The following PRKN variants were observed in gnomAD, a reference collection of about 807,000 sequenced individuals.
PRKN encodes the protein parkin RBR E3 ubiquitin protein ligase, also known as E3 ubiquitin-protein ligase parkin.
A neutral mutation model predicts 59.5 loss-of-function variants in PRKN; 56 were observed. The ratio of observed to expected loss-of-function variants is 0.94; its 90% CI spans 0.76 to 1.18. The LOEUF (loss-of-function observed/expected upper bound fraction) is 1.18, where lower values mean the gene tolerates loss of function less well. Ranked by LOEUF, PRKN falls within the 50% of genes most tolerant of loss-of-function variation. PRKN has a pLI of 0.00. For synonymous variants in PRKN, 250 were observed against 222.1 expected (o/e 1.13, Z -1.12); for missense variants, 657 against 596.4 (o/e 1.10, Z -1.06).
At chr6:161,469,282 C>A (rs1790647848) in intron 9 of PRKN, among the ~76,000 whole-genome samples, 1 of 152,172 alleles carries the variant, frequency 6.6e-6, no homozygotes, top group Admixed American at 6.5e-5. Context: ...TCCCCCTTCA[C>A]TGGGCACCCA....
At chr6:162,065,294 C>T (rs1026797520) in intron 4 of PRKN, among the ~76,000 whole-genome samples, 1 of 152,146 alleles carries the variant, frequency 6.6e-6, no homozygotes, top group African/African-American at 2.4e-5. Flanking sequence ...AGTCCAAAGG[C>T]TGAAGAACCT....
At chr6:162,445,689 TAAAAAAAAAAAAA>T (rs71004091) in intron 1 of PRKN, among the ~76,000 whole-genome samples, 532 of 28,612 alleles carry the variant, frequency 0.019, 12 homozygotes, top group African/African-American at 0.083. Flanking sequence ...AGACCTTGTC[TAAAAAAAAAAAAA>T]AAAAAAAAAA....
intron 9 of PRKN, among the ~76,000 whole-genome samples, chr6:161,472,758 G>C (rs1230698046): frequency 6.6e-6 from 1 of 152,198 alleles, no homozygotes; most frequent in Admixed American, 6.5e-5. Flanking sequence ...TATTTGATAA[G>C]TGGTTAATAT....
chr6:162,210,455 C>T (rs1785157898), intron 3 of PRKN, among the ~76,000 whole-genome samples: 1 of 152,114 alleles, frequency 6.6e-6, no homozygotes, highest in Non-Finnish European at 1.5e-5. Flanking sequence ...AGGCATTTAC[C>T]CCTCCTACTT....
chr6:161,680,602 T>C (rs1020278381), intron 7 of PRKN, among the ~76,000 whole-genome samples: 1 of 151,136 alleles, frequency 6.6e-6, no homozygotes, highest in African/African-American at 2.4e-5. Context: ...TAGATTAGAG[T>C]GCAAAGGAGA....
chr6:162,473,563 T>C (rs1485752357), intron 1 of PRKN, among the ~76,000 whole-genome samples: 1 of 152,100 alleles, frequency 6.6e-6, no homozygotes, highest in African/African-American at 2.4e-5. Context: ...AAAGTAAAAA[T>C]ATGCAGATAT....
chr6:161,972,994 G>A (rs1003125423), intron 6 of PRKN, among the ~76,000 whole-genome samples: 5 of 152,184 alleles, frequency 3.3e-5, no homozygotes, highest in African/African-American at 1.2e-4. Context: ...ACTCAAATAT[G>A]TGAGCTTATA....
Position 161,359,186 on chromosome 6 carries a change from ATTTAT to A in PRKN, c.1285+897_1285+901del, listed in dbSNP as rs1784883744. On this transcript the variant is annotated intron_variant, in intron 11 of 11. Transcript: ENST00000366898. This position sits in a 1 kb window ranked among gnomAD's most constrained non-coding sequence, Gnocchi z 5.4. ...GTAATAAGGACACGCTGGGTAAATTATTTATTTTCTCTGCAGGAAGCCACTGATAC... is the reference window on the plus strand; with the variant it reads ...GTAATAAGGACACGCTGGGTAAATTATTTCTCTGCAGGAAGCCACTGATAC... Among the ~76,000 whole-genome samples, 1 of 152,140 alleles carries A rather than the reference ATTTAT, an allele frequency of 6.6e-6. No homozygotes were observed. The highest frequency in any genetic ancestry group is 1.5e-5 in the Non-Finnish European group (1 of 68,028).
At chr6:162,383,044 TCAC>T (rs1786579530) in intron 2 of PRKN, among the ~76,000 whole-genome samples, 1 of 152,216 alleles carries the variant, frequency 6.6e-6, no homozygotes, top group African/African-American at 2.4e-5. Flanking sequence ...CTTGCTATTT[TCAC>T]CACATCTGCG....
In PRKN at chr6:161,824,187, G is replaced by A. The variant is rs567099620; in HGVS notation, c.735-38279C>T. ...GTAGGGAAGATCAGAGTTCTGATAT[G>A]GCACCCAGCACCTGAAACGTGTGGA... On this transcript the variant is annotated intron_variant, in intron 6 of 11. Coordinates refer to ENST00000366898, the MANE Select transcript of PRKN (RefSeq NM_004562.3). 9.8e-5 allele frequency among the ~76,000 whole-genome samples: 15 copies of A among 152,310 alleles called. 1 individual carries two copies. The highest frequency in any genetic ancestry group is 4.6e-4 in the Admixed American group (7 of 15,296).
rs1234506828 is a variant in PRKN at position 161,554,856 on chromosome 6, G to GT, written c.934-5854dup. Among the ~76,000 whole-genome samples the GT allele has an allele frequency of 1.3e-5, 2 of 151,466 alleles. No individual in the cohort carries two copies. The highest frequency in any genetic ancestry group is 2.4e-5 in the African/African-American group (1 of 41,228). On this transcript the variant is annotated intron_variant, in intron 8 of 11. Coordinates refer to ENST00000366898, the MANE Select transcript of PRKN (RefSeq NM_004562.3). The surrounding 1 kb of genome is among the most constrained non-coding windows in gnomAD (Gnocchi z 4.5). ...TATTATGGATAAGCCTGAAAATAAT[G>GT]TTTTTTTCCTTTGTAAATTAATTGC...
intron 1 of PRKN, among the ~76,000 whole-genome samples, chr6:162,480,070 A>G (rs1792227215): frequency 2.0e-5 from 3 of 152,206 alleles, no homozygotes; most frequent in South Asian, 4.1e-4. Context: ...GTCTCAAAAA[A>G]AAAAAAAATA....
At chr6:162,033,669 C>CTACAAGAG (rs1486981618) in intron 5 of PRKN, among the ~76,000 whole-genome samples, 1 of 152,112 alleles carries the variant, frequency 6.6e-6, no homozygotes, top group Non-Finnish European at 1.5e-5. Flanking sequence ...GTAGTTAAAG[C>CTACAAGAG]ATGATTTTTT....
intron 7 of PRKN, among the ~76,000 whole-genome samples, chr6:161,691,091 A>G (rs1583011663): frequency 7.9e-6 from 1 of 127,308 alleles, no homozygotes; most frequent in East Asian, 2.5e-4. Flanking sequence ...CCCCTATCCT[A>G]TTCCTATCTA....
chr6:161,776,855 C>G (rs1043698061), intron 7 of PRKN, among the ~76,000 whole-genome samples: 5 of 152,152 alleles, frequency 3.3e-5, no homozygotes, highest in African/African-American at 7.2e-5. Context: ...TGATATCGAG[C>G]CTTTACTTCT....
intron 7 of PRKN, among the ~76,000 whole-genome samples, chr6:161,767,773 C>T (rs1583133119): frequency 1.4e-5 from 1 of 73,578 alleles, no homozygotes; most frequent in African/African-American, 5.8e-5. Flanking sequence ...GGGTGGGGGG[C>T]TGGGGGTGTG....
At chr6:161,789,249 C>T (rs1790544899) in intron 6 of PRKN, among the ~76,000 whole-genome samples, 1 of 152,130 alleles carries the variant, frequency 6.6e-6, no homozygotes, top group Non-Finnish European at 1.5e-5. Flanking sequence ...TTCCTAAATG[C>T]TAAATCAAAG....
chr6:161,525,176 T>C lies in PRKN; in HGVS notation c.1083+23678A>G, dbSNP rs2080820334. Among the ~76,000 whole-genome samples the C allele has an allele frequency of 6.6e-6, 1 of 152,006 alleles. No homozygotes were observed. On this transcript the variant is annotated intron_variant, in intron 9 of 11. Transcript: ENST00000366898. The surrounding 1 kb of genome is among the most constrained non-coding windows in gnomAD (Gnocchi z 4.7). Reference sequence around the variant, plus strand: ...GTATGTGTGTGTGAGTAGGGTTCTGTGTGAGATGGACGGGTGAAGCCATAA... The same window carrying C: ...GTATGTGTGTGTGAGTAGGGTTCTGCGTGAGATGGACGGGTGAAGCCATAA...
At chr6:162,176,210 T>C (rs1783525507) in intron 4 of PRKN, among the ~76,000 whole-genome samples, 1 of 152,148 alleles carries the variant, frequency 6.6e-6, no homozygotes, top group Admixed American at 6.5e-5. Flanking sequence ...AATAATCTAA[T>C]AAAGAATAAA....
Sources: allele counts gnomAD v4.1 joint callset (sites outside exome capture counted in the v4.1 genomes callset), GRCh38; gene constraint gnomAD v4.1.1; non-coding constraint Gnocchi (gnomAD v3.1); transcripts MANE v1.5; gene names NCBI Gene and HGNC (gene_info 2026-07-23, HGNC 2026-07-21).